The following TYR variants were observed in gnomAD, a reference collection of about 807,000 sequenced individuals.
TYR encodes tyrosinase, also known as LB24-AB.
TYR carries 58 observed loss-of-function variants against 51.5 expected under a neutral mutation model. The ratio of observed to expected loss-of-function variants is 1.13; its 90% confidence interval spans 0.91 to 1.40. The LOEUF is 1.40. TYR is among the 40% of genes most tolerant of loss of function. TYR has a pLI of 0.00. For missense variants in TYR, 732 were observed against 647.4 expected (o/e 1.13, Z -1.42); for synonymous variants, 263 against 235.2 (o/e 1.12, Z -1.08).
At chr11:89,253,699 C>T (rs1944356511) in intron 3 of TYR, among the ~76,000 whole-genome samples, 1 of 151,422 alleles carries the variant, frequency 6.6e-6, no homozygotes, top group Non-Finnish European at 1.5e-5. Flanking sequence ...TTGCTGAATT[C>T]ATTTATCAAT....
chr11:89,238,713 A>G (rs1247610885), intron 3 of TYR, among the ~76,000 whole-genome samples: 1 of 152,130 alleles, frequency 6.6e-6, no homozygotes, highest in African/African-American at 2.4e-5. Flanking sequence ...GTATGATGTT[A>G]GCATTGGGTT....
intron 2 of TYR, among the ~76,000 whole-genome samples, chr11:89,224,478 C>G (rs1262115086): frequency 6.6e-6 from 1 of 152,090 alleles, no homozygotes; most frequent in Non-Finnish European, 1.5e-5. Flanking sequence ...GCAGTATCTT[C>G]AAAGTGGCAT....
At chr11:89,227,437 A>AACAGGCTGAAAAGATGTGCTATG (rs1943990360) in intron 2 of TYR, among the ~76,000 whole-genome samples, 1 of 152,188 alleles carries the variant, frequency 6.6e-6, no homozygotes, top group African/African-American at 2.4e-5. Flanking sequence ...GGGGACACAT[A>AACAGGCTGAAAAGATGTGCTATG]ACAGGCTGAA....
chr11:89,260,797 A>C (rs1469259812), intron 3 of TYR, among the ~76,000 whole-genome samples: 2 of 152,096 alleles, frequency 1.3e-5, no homozygotes, highest in Non-Finnish European at 2.9e-5. Flanking sequence ...TAAAAATGAG[A>C]GCATGCTCCA....
chr11:89,235,548 T>C (rs1944100175), intron 3 of TYR, among the ~76,000 whole-genome samples: 1 of 152,126 alleles, frequency 6.6e-6, no homozygotes, highest in Non-Finnish European at 1.5e-5. Flanking sequence ...GGACATTACA[T>C]TAAGTGAAAT....
At chr11:89,281,706 A>G (rs1787784187) in intron 3 of TYR, among the ~76,000 whole-genome samples, 1 of 151,690 alleles carries the variant, frequency 6.6e-6, no homozygotes, top group Non-Finnish European at 1.5e-5. Flanking sequence ...TAATTTGTCT[A>G]TTTTGTTCTT....
At chr11:89,286,081 A>G (rs902275741) in intron 4 of TYR, among the ~76,000 whole-genome samples, 4 of 151,900 alleles carry the variant, frequency 2.6e-5, no homozygotes, top group African/African-American at 9.7e-5. Flanking sequence ...AAGGAAGTAA[A>G]AAACATCAGG....
intron 3 of TYR, among the ~76,000 whole-genome samples, chr11:89,253,629 T>G (rs1219933961): frequency 2.0e-5 from 3 of 151,824 alleles, no homozygotes; most frequent in African/African-American, 7.2e-5. Context: ...CTCAGCTTGG[T>G]TGCTGTTGGT....
At chr11:89,281,187 T>C (rs12273884) in intron 3 of TYR, among the ~76,000 whole-genome samples, 67,292 of 151,354 alleles carry the variant, frequency 0.44, 16,416 homozygotes, top group African/African-American at 0.66. Context: ...CTTGAAACTC[T>C]GACCCCTGTG....
intron 2 of TYR, among the ~76,000 whole-genome samples, chr11:89,202,490 G>A (rs1353910390): frequency 2.0e-5 from 3 of 151,972 alleles, no homozygotes; most frequent in Non-Finnish European, 4.4e-5. Context: ...CAAATTATCT[G>A]GCACATATAT....
intron 2 of TYR, among the ~76,000 whole-genome samples, chr11:89,222,468 G>T (rs1308630215): frequency 6.6e-6 from 1 of 152,196 alleles, no homozygotes; most frequent in East Asian, 1.9e-4. Context: ...GCCGGGCACG[G>T]TGTCTCACGC....
At chr11:89,237,643 T>C (rs1317682508) in intron 3 of TYR, among the ~76,000 whole-genome samples, 1 of 152,152 alleles carries the variant, frequency 6.6e-6, no homozygotes, top group Admixed American at 6.6e-5. Context: ...TGCTTTGTTT[T>C]TATTACTCAA....
intron 3 of TYR, among the ~76,000 whole-genome samples, chr11:89,261,627 C>A (rs961081899): frequency 6.6e-6 from 1 of 152,062 alleles, no homozygotes; most frequent in African/African-American, 2.4e-5. Flanking sequence ...CTTTTTAATA[C>A]CCCACTTTCA....
intron 3 of TYR, among the ~76,000 whole-genome samples, chr11:89,259,815 T>C (rs1944436481): frequency 6.6e-6 from 1 of 152,124 alleles, no homozygotes; most frequent in South Asian, 2.1e-4. Flanking sequence ...ATATGTAACT[T>C]CTTAAAAATA....
chr11:89,178,776 A>C lies in TYR; in HGVS notation c.819+4A>C, dbSNP rs773646545. On this transcript the variant is annotated splice_donor_region_variant and intron_variant, in intron 1 of 4. Coordinates refer to ENST00000263321, the MANE Select transcript of TYR (RefSeq NM_000372.5). ...ATCATTCTTCTCCTCTTGGCAGGTA[A>C]GATATGCTAGATATACGATGTCAGA... 1.2e-6 allele frequency: 2 copies of C among 1,613,822 alleles called. No homozygotes were observed. Among genetic ancestry groups the C allele is most frequent in the Non-Finnish European group, 1.7e-6 (2 of 1,179,882 alleles).
chr11:89,178,577 G>T lies in TYR; in HGVS notation c.624G>T (p.Leu208=), dbSNP rs1397011156. 6 of 1,614,018 alleles carry T rather than the reference G, an allele frequency of 3.7e-6. No homozygotes were observed. The highest frequency in any genetic ancestry group is 5.1e-6 in the Non-Finnish European group (6 of 1,180,026). Residue 208 remains leucine, a synonymous_variant, in exon 1 of 5, where the codon CTG becomes CTT. Transcript: ENST00000263321. The part of the protein sequence containing the change: ...IDFAHEAPAF[L]PWHRLFLLRW... ...TTGCCCATGAAGCACCAGCTTTTCTGCCTTGGCATAGACTCTTCTTGTTGC... is the reference window on the plus strand; with the variant it reads ...TTGCCCATGAAGCACCAGCTTTTCTTCCTTGGCATAGACTCTTCTTGTTGC...
At chr11:89,217,752 G>C (rs963168157) in intron 2 of TYR, among the ~76,000 whole-genome samples, 1 of 152,058 alleles carries the variant, frequency 6.6e-6, no homozygotes, top group African/African-American at 2.4e-5. Flanking sequence ...CTGAAGCCTC[G>C]ATTCTTAACT....
At chr11:89,217,389 A>C (rs904999927) in intron 2 of TYR, among the ~76,000 whole-genome samples, 4 of 152,150 alleles carry the variant, frequency 2.6e-5, no homozygotes, top group African/African-American at 9.7e-5. Flanking sequence ...CCCTATGGCT[A>C]TGTTAGTGAG....
chr11:89,278,730 AC>A (rs1944686969), intron 3 of TYR, among the ~76,000 whole-genome samples: 1 of 151,656 alleles, frequency 6.6e-6, no homozygotes, highest in Non-Finnish European at 1.5e-5. Flanking sequence ...ACATTAAAGA[AC>A]CATGTTGATA....
Sources: allele counts gnomAD v4.1 joint callset (sites outside exome capture counted in the v4.1 genomes callset), GRCh38; gene constraint gnomAD v4.1.1; transcripts MANE v1.5; gene names NCBI Gene and HGNC (gene_info 2026-07-23, HGNC 2026-07-21).